The following TTC39C variants were observed in gnomAD, a reference collection of about 807,000 sequenced individuals.
TTC39C encodes the protein tetratricopeptide repeat protein 39C.
Under a neutral mutation model 76.3 loss-of-function variants are expected in TTC39C, and 33 were observed. The ratio of observed to expected loss-of-function variants is 0.43; its 90% CI spans 0.33 to 0.58. The LOEUF is 0.58. Among genes scored for constraint, TTC39C ranks in the 20% least tolerant of loss-of-function variants. The pLI, the probability that TTC39C is intolerant of heterozygous loss-of-function variation, is 0.04. For missense variants in TTC39C, 595 were observed against 701.4 expected (o/e 0.85, Z 1.71); for synonymous variants, 254 against 260.6 (o/e 0.97, Z 0.24).
At chr18:24,055,867 C>G (rs2084009071) in intron 1 of TTC39C, among the ~76,000 whole-genome samples, 1 of 152,158 alleles carries the variant, frequency 6.6e-6, no homozygotes. Flanking sequence ...TTTCTCTGTT[C>G]TGGATAATGT....
chr18:23,998,421 C>G (rs1204655139), intron 1 of TTC39C, among the ~76,000 whole-genome samples: 1 of 152,090 alleles, frequency 6.6e-6, no homozygotes, highest in Non-Finnish European at 1.5e-5. Flanking sequence ...GCCATCCTGG[C>G]CAACATGGTG....
At chr18:24,002,828 C>T (rs2083324433) in intron 1 of TTC39C, among the ~76,000 whole-genome samples, 1 of 152,202 alleles carries the variant, frequency 6.6e-6, no homozygotes, top group South Asian at 2.1e-4. Flanking sequence ...AGCCTGTTTG[C>T]ACTGGGTTTG....
intron 12 of TTC39C, among the ~76,000 whole-genome samples, chr18:24,131,593 C>A (rs2085130314): frequency 6.6e-6 from 1 of 151,656 alleles, no homozygotes; most frequent in Non-Finnish European, 1.5e-5. Context: ...GTAATCCCAG[C>A]TACTCAGGAG....
rs1450816061 is a variant in TTC39C, at chr18:24,066,138, A to T, written c.343A>T (p.Asn115Tyr). ...IETIKNKIKK[N>Y]VDVRKSAPSM... ...AACAATCAAGAATAAAATTAAGAAG[A>T]ACGTAAGTATTGCGGCTTTAGGTTG... is the stretch of plus-strand genomic sequence containing the variant. The change falls in exon 3 of 14, where the codon AAC becomes TAC. Residue 115 changes from asparagine to tyrosine, a missense_variant and splice_region_variant. Asn to Tyr is a moderately radical substitution (Grantham distance 143). Coordinates refer to ENST00000317571, the MANE Select transcript of TTC39C (RefSeq NM_001135993.2). 6.3e-7 allele frequency: 1 copy of T among 1,596,478 alleles called. No homozygotes were observed. The highest frequency in any genetic ancestry group is 1.2e-5 in the South Asian group (1 of 86,710).
chr18:24,132,234 A>G (rs2085139770), intron 13 of TTC39C, among the ~76,000 whole-genome samples: 1 of 152,222 alleles, frequency 6.6e-6, no homozygotes, highest in African/African-American at 2.4e-5. Flanking sequence ...AGCACAACAT[A>G]AGACTACTTT....
chr18:24,045,266 C>T (rs1315473648), intron 1 of TTC39C, among the ~76,000 whole-genome samples: 3 of 630 alleles, frequency 4.8e-3, no homozygotes, highest in Non-Finnish European at 0.019. Context: ...AAGACTCTGT[C>T]TCCAAAAAAA....
intron 6 of TTC39C, among the ~76,000 whole-genome samples, chr18:24,083,352 C>G (rs989354190): frequency 6.6e-6 from 1 of 152,144 alleles, no homozygotes; most frequent in Admixed American, 6.5e-5. Context: ...GCCTAAGGCA[C>G]GTGAGCATTA....
At chr18:24,113,460 A>G (rs375150661) in intron 6 of TTC39C, 2 of 629,794 alleles carry the variant, frequency 3.2e-6, no homozygotes, top group East Asian at 2.7e-5. Context: ...TGTGGGGATA[A>G]TGGGCACTTG....
Position 24,117,995 on chromosome 18 carries a change from G to A in TTC39C, c.1079-130G>A, listed in dbSNP as rs1213129585. 3.3e-6 allele frequency: 2 copies of A among 607,284 alleles called. 1 individual carries two copies. The highest frequency in any genetic ancestry group is 3.8e-5 in the African/African-American group (2 of 52,532). 37.6% of individuals were successfully genotyped at this position (607,284 alleles called of 1,614,324 possible). On this transcript the variant is annotated intron_variant, in intron 7 of 13. Coordinates refer to ENST00000317571, the MANE Select transcript of TTC39C (RefSeq NM_001135993.2). ...GAAAAAATAATTTCTTAGGTTTTCA[G>A]GTTAAACTTTTTTACGCATTTCATA... is the stretch of plus-strand genomic sequence containing the variant.
chr18:24,037,897 C>A (rs1198571699), intron 1 of TTC39C, among the ~76,000 whole-genome samples: 1 of 152,112 alleles, frequency 6.6e-6, no homozygotes, highest in Non-Finnish European at 1.5e-5. Flanking sequence ...GAGAAAAGAT[C>A]TTTTAGCTCT....
chr18:24,023,999 TATATATATATATATATA>T (rs1568409104), intron 1 of TTC39C, among the ~76,000 whole-genome samples: 2 of 11,098 alleles, frequency 1.8e-4, no homozygotes, highest in African/African-American at 4.4e-4. Flanking sequence ...TATATATATA[TATATATATATATATATA>T]TTTTTTTTTT....
At chr18:23,996,269 A>G (rs1338900377) in intron 1 of TTC39C, among the ~76,000 whole-genome samples, 1 of 152,238 alleles carries the variant, frequency 6.6e-6, no homozygotes, top group Non-Finnish European at 1.5e-5. Flanking sequence ...GGCATGGGCC[A>G]GAGAGATGGA....
intron 1 of TTC39C, among the ~76,000 whole-genome samples, chr18:24,045,889 G>GAA (rs1193600114): frequency 3.5e-5 from 2 of 56,350 alleles, no homozygotes; most frequent in Non-Finnish European, 6.2e-5. Flanking sequence ...TTCCTTCTGT[G>GAA]AAAATATATA....
At chr18:24,078,364 T>G (rs2084333838) in intron 4 of TTC39C, among the ~76,000 whole-genome samples, 1 of 152,236 alleles carries the variant, frequency 6.6e-6, no homozygotes, top group South Asian at 2.1e-4. Context: ...TGACTTACAT[T>G]CAAGACTCAT....
chr18:24,044,454 T>C (rs1449228397), intron 1 of TTC39C, among the ~76,000 whole-genome samples: 5 of 152,214 alleles, frequency 3.3e-5, no homozygotes, highest in Non-Finnish European at 7.3e-5. Flanking sequence ...ACCAGTGGCA[T>C]GGTGAAGTGT....
chr18:24,041,442 C>A (rs1421375226), intron 1 of TTC39C, among the ~76,000 whole-genome samples: 1 of 152,178 alleles, frequency 6.6e-6, no homozygotes, highest in Non-Finnish European at 1.5e-5. Flanking sequence ...AATAGTCCAG[C>A]AGCGTGTTAA....
chr18:24,095,618 G>C (rs1276615048), intron 6 of TTC39C, among the ~76,000 whole-genome samples: 1 of 152,184 alleles, frequency 6.6e-6, no homozygotes, highest in Non-Finnish European at 1.5e-5. Context: ...AGAATTGATA[G>C]AACCTGGGAG....
intron 4 of TTC39C, among the ~76,000 whole-genome samples, chr18:24,080,049 A>G (rs925956337): frequency 6.6e-6 from 1 of 152,060 alleles, no homozygotes; most frequent in Non-Finnish European, 1.5e-5. Flanking sequence ...TAATCTGCCC[A>G]CCACGGCCTC....
intron 4 of TTC39C, among the ~76,000 whole-genome samples, chr18:24,073,195 T>A (rs1052613024): frequency 6.6e-6 from 1 of 152,170 alleles, no homozygotes; most frequent in Non-Finnish European, 1.5e-5. Flanking sequence ...TGGGCCACAC[T>A]CTCCATTGCT....
Sources: allele counts gnomAD v4.1 joint callset (sites outside exome capture counted in the v4.1 genomes callset), GRCh38; gene constraint gnomAD v4.1.1; transcripts MANE v1.5; gene names NCBI Gene and HGNC (gene_info 2026-07-23, HGNC 2026-07-21).